VSTM4: variants seen among roughly 807,000 people sequenced by gnomAD.
VSTM4 encodes V-set and transmembrane domain containing 4.
A neutral mutation model predicts 36.4 loss-of-function variants in VSTM4; 20 were observed. The observed-to-expected ratio is 0.55, with a 90% confidence interval of 0.39 to 0.80. The LOEUF is 0.80. Ranked by LOEUF, VSTM4 falls within the 30% of genes least tolerant of loss-of-function variation. VSTM4 has a pLI of 0.00. For missense variants in VSTM4, 392 were observed against 404.5 expected (o/e 0.97, Z 0.26); for synonymous variants, 182 against 173.9 (o/e 1.05, Z -0.37).
intron 1 of VSTM4, among the ~76,000 whole-genome samples, chr10:49,109,326 G>A (rs1844850270): frequency 6.6e-6 from 1 of 152,200 alleles, no homozygotes; most frequent in Non-Finnish European, 1.5e-5. Context: ...TTGACAAGGA[G>A]GCTGTGGAGC....
At chr10:49,022,116 CATTT>C (rs746211744) in intron 7 of VSTM4, among the ~76,000 whole-genome samples, 232 of 143,520 alleles carry the variant, frequency 1.6e-3, no homozygotes, top group Middle Eastern at 6.9e-3. Flanking sequence ...TTTTTTAATG[CATTT>C]ATTTTTTTTT....
chr10:49,019,875 G>A (rs898074326), intron 7 of VSTM4, 100 bp from the exon 8 acceptor site: 1 of 1,445,442 alleles, frequency 6.9e-7, no homozygotes, highest in Non-Finnish European at 9.2e-7. Context: ...AGCATTTTGG[G>A]ATTCAGCGAG....
chr10:49,107,510 G>T, intron 2 of VSTM4, 84 bp downstream of exon 2: 2 of 1,499,244 alleles, frequency 1.3e-6, no homozygotes, highest in South Asian at 1.3e-5. Flanking sequence ...CAGCCAACCC[G>T]GGAGCCCCTG....
At chr10:49,052,723 C>T (rs920857358) in intron 5 of VSTM4, among the ~76,000 whole-genome samples, 1 of 152,086 alleles carries the variant, frequency 6.6e-6, no homozygotes, top group Admixed American at 6.5e-5. Flanking sequence ...TTTCCACTTC[C>T]TATTCTCTTT....
At chr10:49,102,928 T>C (rs1401732186) in intron 2 of VSTM4, 1 of 206,458 alleles carries the variant, frequency 4.8e-6, no homozygotes. Flanking sequence ...TTACCTGCTA[T>C]CTGGGCATCG....
At chr10:49,104,304 AAAC>A (rs71298784) in intron 2 of VSTM4, among the ~76,000 whole-genome samples, 237 of 152,070 alleles carry the variant, frequency 1.6e-3, no homozygotes, top group African/African-American at 4.5e-3. Context: ...TCTGTCTCAA[AAAC>A]AACAACAACA....
At position 49,017,416 on chromosome 10, in the gene VSTM4, T is replaced by C. The variant is rs537429114; in HGVS notation, c.*2234A>G. Reference sequence around the variant, plus strand: ...ATCTGCAGGTTCCCATTCACACACCTTAGTGTGGATTCATGCAGTGATGAC... The same window carrying C: ...ATCTGCAGGTTCCCATTCACACACCCTAGTGTGGATTCATGCAGTGATGAC... On this transcript the variant is annotated 3_prime_UTR_variant, in exon 8 of 8. Transcript: ENST00000332853. The C allele has an allele frequency of 6.6e-6, 1 of 152,338 alleles. No homozygotes were observed. The highest frequency in any genetic ancestry group is 2.1e-4 in the South Asian group (1 of 4,832). The allele number at this position is 152,338 out of a possible 1,614,324, so 9.4% of individuals were successfully genotyped here.
At chr10:49,032,864 G>C (rs1843367520) in intron 7 of VSTM4, among the ~76,000 whole-genome samples, 1 of 150,340 alleles carries the variant, frequency 6.7e-6, no homozygotes, top group South Asian at 2.1e-4. Context: ...TAGAGAGAGA[G>C]AGAAAGACAG....
chr10:49,099,217 A>T (rs1411726780), intron 2 of VSTM4, among the ~76,000 whole-genome samples: 2 of 152,192 alleles, frequency 1.3e-5, no homozygotes, highest in African/African-American at 4.8e-5. Flanking sequence ...AGCTGTTGAG[A>T]TGCAGTCTCA....
rs138750893 is a variant in VSTM4 at position 49,075,725 on chromosome 10, C to T, written c.634+1494G>A. Among the ~76,000 whole-genome samples, 98 of 152,344 alleles carry T rather than the reference C, an allele frequency of 6.4e-4. No individual in the cohort carries two copies. In the East Asian group the frequency reaches 0.011, roughly 18 times the overall value. ...CATGCTACAGCCTCTGCCCCATTGC[C>T]GATTGTGGAGCATGCTGGAGTTCTC... On this transcript the variant is annotated intron_variant, in intron 4 of 7. Transcript: ENST00000332853.
At chr10:49,048,267 C>A (rs1843644162) in intron 6 of VSTM4, among the ~76,000 whole-genome samples, 1 of 152,230 alleles carries the variant, frequency 6.6e-6, no homozygotes, top group South Asian at 2.1e-4. Context: ...TCCAACTCCA[C>A]CCCCAACCCA....
chr10:49,107,510 G>A lies in VSTM4; in HGVS notation c.457+84C>T, dbSNP rs1395948250. ...TGTTCTAGTGCAACACAGCCAACCCGGGAGCCCCTGGGTGGTGGCTGCAAA... is the reference window on the plus strand; with the variant it reads ...TGTTCTAGTGCAACACAGCCAACCCAGGAGCCCCTGGGTGGTGGCTGCAAA... On this transcript the variant is annotated intron_variant, in intron 2 of 7. Coordinates refer to ENST00000332853, the MANE Select transcript of VSTM4 (RefSeq NM_001031746.5). The A allele has an allele frequency of 5.3e-6, 8 of 1,499,244 alleles. No individual in the cohort carries two copies. In the East Asian group the frequency reaches 6.9e-5, roughly 13 times the overall value. 92.9% of individuals were successfully genotyped at this position (1,499,244 alleles called of 1,614,324 possible).
At chr10:49,096,921 A>G (rs7898774) in intron 2 of VSTM4, among the ~76,000 whole-genome samples, 28,845 of 151,884 alleles carry the variant, frequency 0.19, 4,038 homozygotes, top group African/African-American at 0.4. Flanking sequence ...CCAAAGTTCT[A>G]GGATTACAGG....
intron 7 of VSTM4, among the ~76,000 whole-genome samples, chr10:49,044,497 AGAAG>A (rs1399811840): frequency 3.3e-5 from 5 of 151,174 alleles, no homozygotes; most frequent in African/African-American, 9.8e-5. Context: ...ATTAAAGAAA[AGAAG>A]GAAGGAAGGA....
chr10:49,070,252 CAAAA>C (rs780515012), intron 4 of VSTM4, among the ~76,000 whole-genome samples: 291 of 21,670 alleles, frequency 0.013, 14 homozygotes, highest in African/African-American at 0.069. Flanking sequence ...GACTCCGTCT[CAAAA>C]AAAAAAAAAA....
chr10:49,040,618 T>A (rs528686530), intron 7 of VSTM4, among the ~76,000 whole-genome samples: 2 of 152,320 alleles, frequency 1.3e-5, no homozygotes, highest in East Asian at 3.9e-4. Flanking sequence ...TACTATTTTT[T>A]AAAAACTTCT....
Position 49,047,887 on chromosome 10 carries a change from C to T in VSTM4, c.775+591G>A, listed in dbSNP as rs530252104. On this transcript the variant is annotated intron_variant, in intron 6 of 7. Transcript: ENST00000332853. ...CAAATTTGCTAAGGTATGAATATCT[C>T]CTAAATTGACCAGTTATTTTAGGAA... Among the ~76,000 whole-genome samples the T allele has an allele frequency of 2.6e-5, 4 of 152,308 alleles. No individual in the cohort carries two copies. In the South Asian group the frequency reaches 8.3e-4, roughly 32 times the overall value.
intron 5 of VSTM4, among the ~76,000 whole-genome samples, chr10:49,049,967 C>T (rs1284555355): frequency 2.0e-5 from 3 of 152,178 alleles, no homozygotes; most frequent in African/African-American, 7.2e-5. Flanking sequence ...CTATGGATAT[C>T]CTTGCACATG....
At chr10:49,033,510 C>T (rs913482386) in intron 7 of VSTM4, among the ~76,000 whole-genome samples, 1 of 152,258 alleles carries the variant, frequency 6.6e-6, no homozygotes, top group Non-Finnish European at 1.5e-5. Flanking sequence ...ATTTCACTTT[C>T]TATTTTAACA....
Sources: gnomAD v4.1 joint callset for allele counts (sites outside exome capture counted in the v4.1 genomes callset) on GRCh38, gnomAD v4.1.1 for gene constraint, MANE v1.5 for transcripts, NCBI Gene and HGNC (gene_info 2026-07-23, HGNC 2026-07-21) for gene names.